The following NEK9 variants were observed in gnomAD, a reference collection of about 807,000 sequenced individuals.
The protein encoded by NEK9 is serine/threonine-protein kinase Nek9.
In NEK9, 75 loss-of-function variants were observed where a neutral mutation model predicts 123.4. That is an observed-to-expected ratio of 0.61 (90% CI 0.50 to 0.74). The LOEUF (loss-of-function observed/expected upper bound fraction) is 0.74, where lower values mean the gene tolerates loss of function less well. NEK9 is among the 30% of genes least tolerant of loss of function. NEK9 has a pLI of 0.00. For synonymous variants in NEK9, 438 were observed against 458.7 expected, an observed-to-expected ratio of 0.95 and a Z score of 0.58; for missense variants, 952 against 1,214.4, an observed-to-expected ratio of 0.78 and a Z score of 3.21.
chr14:75,105,975 T>A lies in NEK9; in HGVS notation c.1550A>T (p.Glu517Val). 6.2e-7 allele frequency: 1 copy of A among 1,613,832 alleles called. No individual in the cohort carries two copies. Among genetic ancestry groups the A allele is most frequent in the South Asian group, 1.1e-5 (1 of 91,068 alleles). The change falls in exon 13 of 22, where the codon GAA becomes GTA. Residue 517 changes from glutamate (E) to valine (V), a missense_variant. Around this residue, in one of 4 missense-constraint regions of NEK9, gnomAD observed 698 missense variants for 875.6 expected, o/e 0.80. Coordinates refer to ENST00000238616, the MANE Select transcript of NEK9 (RefSeq NM_033116.6). ...CTTTTGTGGTGTATAATAATCCTCT[T>A]CTGAATCCAAACCCAGTCGTCCTGA... ...GEYGRLGLDS[E>V]EDYYTPQKVD...
chr14:75,087,145 A>C lies in NEK9; in HGVS notation c.2690T>G (p.Val897Gly). Residue 897 changes from valine to glycine, a missense_variant, in exon 21 of 22, where the codon GTG becomes GGG. By Grantham distance (109) the Val-to-Gly change is moderately radical (BLOSUM62 -3). Coordinates refer to ENST00000238616, the MANE Select transcript of NEK9 (RefSeq NM_033116.6). ...PPACACSSLQVEVERLQGLVL... is the reference protein window; with the variant it reads ...PPACACSSLQGEVERLQGLVL... Reference sequence around the variant, plus strand: ...CAGACCCTGCAATCTCTCAACCTCCACCTGCAGAGAGCTGCACGCACACGC... The same window carrying C: ...CAGACCCTGCAATCTCTCAACCTCCCCCTGCAGAGAGCTGCACGCACACGC... The C allele has an allele frequency of 6.2e-7, 1 of 1,614,126 alleles. No homozygotes were observed. Among genetic ancestry groups the C allele is most frequent in the Non-Finnish European group, 8.5e-7 (1 of 1,180,008 alleles).
chr14:75,087,143 C>T lies in NEK9; in HGVS notation c.2692G>A (p.Glu898Lys). The change falls in exon 21 of 22, where the codon GAG (glutamate) becomes AAG (lysine). Residue 898 changes from glutamate (E) to lysine (K), a missense_variant. Physicochemically the swap from Glu to Lys is moderately conservative, Grantham distance 56. Around this residue, in one of 4 missense-constraint regions of NEK9, gnomAD observed 698 missense variants for 875.6 expected, o/e 0.80. Transcript: ENST00000238616. ...PACACSSLQV[E>K]VERLQGLVLK... ...ACCAGACCCTGCAATCTCTCAACCTCCACCTGCAGAGAGCTGCACGCACAC... is the reference window on the plus strand; with the variant it reads ...ACCAGACCCTGCAATCTCTCAACCTTCACCTGCAGAGAGCTGCACGCACAC... The T allele has an allele frequency of 6.2e-7, 1 of 1,614,200 alleles. No homozygotes were observed. Among genetic ancestry groups the T allele is most frequent in the Non-Finnish European group, 8.5e-7 (1 of 1,180,042 alleles).
chr14:75,108,178 G>A (rs1027926283), intron 10 of NEK9, among the ~76,000 whole-genome samples: 6 of 150,974 alleles, frequency 4.0e-5, no homozygotes, highest in Non-Finnish European at 8.8e-5. Flanking sequence ...AGGCTGGAGC[G>A]CAGTGGCTCG....
chr14:75,101,176 TA>T, intron 15 of NEK9, 23 bp from the exon 16 acceptor site: 1 of 1,606,488 alleles, frequency 6.2e-7, no homozygotes, highest in Non-Finnish European at 8.5e-7. Flanking sequence ...CAAAAAGAAA[TA>T]ACAAGGCACA....
At chr14:75,106,945 A>C (rs951111905) in intron 11 of NEK9, among the ~76,000 whole-genome samples, 1 of 152,130 alleles carries the variant, frequency 6.6e-6, no homozygotes, top group Non-Finnish European at 1.5e-5. Context: ...AAGGACTTAA[A>C]ATTTTAATGG....
chr14:75,080,643 T>TC lies in NEK9; in HGVS notation c.*3920_*3921insG, dbSNP rs1566634106. Reference sequence around the variant, plus strand: ...TGCAGATGTGCCGAGACAGTATTTCTTTTTTTTTTTTTTTGAGACGGAGTC... The same window carrying TC: ...TGCAGATGTGCCGAGACAGTATTTCTCTTTTTTTTTTTTTTGAGACGGAGTC... On this transcript the variant is annotated 3_prime_UTR_variant, in exon 22 of 22. Transcript: ENST00000238616. 7.0e-6 allele frequency: 1 copy of TC among 142,894 alleles called. No individual in the cohort carries two copies. The highest frequency in any genetic ancestry group is 1.5e-5 in the Non-Finnish European group (1 of 64,646). 8.9% of individuals were successfully genotyped at this position (142,894 alleles called of 1,614,324 possible).
At chr14:75,095,699 A>C (rs1894359641) in intron 17 of NEK9, among the ~76,000 whole-genome samples, 1 of 152,196 alleles carries the variant, frequency 6.6e-6, no homozygotes, top group Non-Finnish European at 1.5e-5. Flanking sequence ...AGACCAGCCT[A>C]GGCAACATGG....
intron 19 of NEK9, among the ~76,000 whole-genome samples, chr14:75,089,511 GAGCC>G (rs1193907122): frequency 6.6e-6 from 1 of 151,696 alleles, no homozygotes; most frequent in East Asian, 2.0e-4. Flanking sequence ...TTACAGGTGT[GAGCC>G]ACCTCGCCCA....
In NEK9 at chr14:75,103,995, C is replaced by T. The variant is rs769336595; in HGVS notation, c.1578G>A (p.Val526=). The change falls in exon 14 of 22, where the codon GTG becomes GTA. Residue 526 remains valine (V), a splice_region_variant and synonymous_variant. Coordinates refer to ENST00000238616, the MANE Select transcript of NEK9 (RefSeq NM_033116.6). ...SEEDYYTPQK[V]DVPKALIIVA... ...CAATAATCAAGGCCTTGGGAACATC[C>T]ACCTGCAAGAAAAAAATCAGAAAAA... The T allele has an allele frequency of 6.2e-7, 1 of 1,600,024 alleles. No homozygotes were observed. The highest frequency in any genetic ancestry group is 8.5e-7 in the Non-Finnish European group (1 of 1,176,278).
chr14:75,087,407 G>A (rs1204572526), intron 20 of NEK9, among the ~76,000 whole-genome samples, 177 bp from the exon 21 acceptor site: 1 of 152,222 alleles, frequency 6.6e-6, no homozygotes, highest in Non-Finnish European at 1.5e-5. Flanking sequence ...GATGGGCACT[G>A]ACATAACATG....
In NEK9 at chr14:75,095,263, C is replaced by G; in HGVS notation, c.2233+109G>C. ...TCTCTCTTAACCACTGTATTCCTCA[C>G]TTCCCAAAGACATTTCCCATTTTCC... On this transcript the variant is annotated intron_variant, in intron 18 of 21. Coordinates refer to ENST00000238616, the MANE Select transcript of NEK9 (RefSeq NM_033116.6). 5.7e-6 allele frequency: 4 copies of G among 705,186 alleles called. No individual in the cohort carries two copies. The South Asian group carries it at 7.9e-5, about 14-fold the overall frequency. The allele number at this position is 705,186 out of a possible 1,614,324, so 43.7% of individuals were successfully genotyped here.
chr14:75,127,005 G>GCCCGCGGATCCGTCAGCCCAGCAAC lies in NEK9; in HGVS notation c.-109_-85dup, dbSNP rs1895561767. On this transcript the variant is annotated 5_prime_UTR_variant, in exon 1 of 22. Transcript: ENST00000238616. ...TGCGTCCCGCTCGCTTCAGATGCCG[G>GCCCGCGGATCCGTCAGCCCAGCAAC]CCCGCGGATCCGTCAGCCCAGCAAC... 2.5e-6 allele frequency: 3 copies of GCCCGCGGATCCGTCAGCCCAGCAAC among 1,180,348 alleles called. No homozygotes were observed. In the African/African-American group the frequency reaches 4.9e-5, roughly 19 times the overall value. 73.1% of individuals were successfully genotyped at this position (1,180,348 alleles called of 1,614,324 possible).
At chr14:75,118,739 T>C in intron 5 of NEK9, 91 bp downstream of exon 5, 1 of 778,056 alleles carries the variant, frequency 1.3e-6, no homozygotes, top group Non-Finnish European at 2.1e-6. Flanking sequence ...CTTGCAAGAA[T>C]ATTGAGAAAA....
chr14:75,083,141 G>A lies in NEK9; in HGVS notation c.*1423C>T. On this transcript the variant is annotated 3_prime_UTR_variant, in exon 22 of 22. Transcript: ENST00000238616. Reference sequence around the variant, plus strand: ...AGATTATCAAACATTTTGGTCTGGGGAAGATGAAACAAAATTAATTTAGCT... The same window carrying A: ...AGATTATCAAACATTTTGGTCTGGGAAAGATGAAACAAAATTAATTTAGCT... 2 of 398,630 alleles carry A rather than the reference G, an allele frequency of 5.0e-6. No homozygotes were observed. The highest frequency in any genetic ancestry group is 2.1e-5 in the African/African-American group (1 of 48,758). 24.7% of individuals were successfully genotyped at this position (398,630 alleles called of 1,614,324 possible).
At chr14:75,086,054 T>C (rs558285438) in intron 21 of NEK9, among the ~76,000 whole-genome samples, 4 of 151,864 alleles carry the variant, frequency 2.6e-5, no homozygotes, top group African/African-American at 9.7e-5. Flanking sequence ...CTGGGCATGG[T>C]GGTAAGCGTC....
At chr14:75,105,443 C>G (rs1180651976) in intron 13 of NEK9, among the ~76,000 whole-genome samples, 4 of 152,182 alleles carry the variant, frequency 2.6e-5, no homozygotes, top group Admixed American at 2.6e-4. Context: ...TTTCCCCCAG[C>G]TGGTATCAGC....
chr14:75,087,716 A>G (rs1268867875), intron 20 of NEK9, among the ~76,000 whole-genome samples: 1 of 152,232 alleles, frequency 6.6e-6, no homozygotes, highest in Non-Finnish European at 1.5e-5. Flanking sequence ...TTCACCTTGA[A>G]GTTTCAAAGG....
In NEK9 at chr14:75,091,653, G is replaced by C. The variant is rs1894221913; in HGVS notation, c.2234-175C>G. ...TTGGTTTTCATACAAACTATGTTTT[G>C]TAATTTTGTATAGTTGTATTTGTAT... On this transcript the variant is annotated intron_variant, in intron 18 of 21. Coordinates refer to ENST00000238616, the MANE Select transcript of NEK9 (RefSeq NM_033116.6). 8.4e-6 allele frequency: 4 copies of C among 474,266 alleles called. No individual in the cohort carries two copies. In the East Asian group the frequency reaches 1.0e-4, roughly 12 times the overall value. 29.4% of individuals were successfully genotyped at this position (474,266 alleles called of 1,614,324 possible).
chr14:75,106,012 G>A lies in NEK9; in HGVS notation c.1529-16C>T, dbSNP rs1418071658. ...CCCAGTCGTCCTGAAACACACATAA[G>A]AATGAAAATCATTATAATGAGGGCT... On this transcript the variant is annotated splice_polypyrimidine_tract_variant and intron_variant, in intron 12 of 21. Transcript: ENST00000238616. The A allele has an allele frequency of 6.2e-7, 1 of 1,608,592 alleles. No individual in the cohort carries two copies. Among genetic ancestry groups the A allele is most frequent in the Non-Finnish European group, 8.5e-7 (1 of 1,175,006 alleles).
Sources: allele counts gnomAD v4.1 joint callset (sites outside exome capture counted in the v4.1 genomes callset), GRCh38; gene constraint gnomAD v4.1.1; regional missense constraint gnomAD v4.1.1; transcripts MANE v1.5; gene names NCBI Gene and HGNC (gene_info 2026-07-23, HGNC 2026-07-21).